Variants in ANK3 observed in about 807,000 individuals in gnomAD.
ANK3 encodes the protein ankyrin 3.
A neutral mutation model predicts 370.9 loss-of-function variants in ANK3; 57 were observed. The ratio of observed to expected loss-of-function variants is 0.15; its 90% confidence interval spans 0.12 to 0.19. The LOEUF (loss-of-function observed/expected upper bound fraction) is 0.19. Among genes scored for constraint, ANK3 ranks in the 10% least tolerant of loss-of-function variants. The pLI is 1.00. For missense variants in ANK3, 4,439 were observed against 5,302.1 expected, an observed-to-expected ratio of 0.84 and a Z score of 5.06; for synonymous variants, 1,929 against 1,946.3, an observed-to-expected ratio of 0.99 and a Z score of 0.23.
At chr10:60,386,031 C>A (rs1465739558) in intron 1 of ANK3, among the ~76,000 whole-genome samples, 3 of 152,170 alleles carry the variant, frequency 2.0e-5, no homozygotes, top group African/African-American at 7.2e-5. Flanking sequence ...AAAGAGAGCA[C>A]GTGTGACTTC....
At chr10:60,487,279 G>A (rs545753738) in intron 2 of ANK3, among the ~76,000 whole-genome samples, 1 of 152,238 alleles carries the variant, frequency 6.6e-6, no homozygotes, top group East Asian at 1.9e-4. Context: ...AACAGGGAGT[G>A]GTATGAAGGA....
At chr10:60,337,922 A>G (rs1198789670) in intron 1 of ANK3, among the ~76,000 whole-genome samples, 1 of 152,180 alleles carries the variant, frequency 6.6e-6, no homozygotes, top group Non-Finnish European at 1.5e-5. Flanking sequence ...TTATCCCATT[A>G]TCTGATTTTA....
intron 2 of ANK3, among the ~76,000 whole-genome samples, chr10:60,468,272 C>G (rs1017874761): frequency 1.3e-5 from 2 of 152,114 alleles, no homozygotes; most frequent in Admixed American, 1.3e-4. Context: ...GCAGGAGCCA[C>G]CGTGCCCGGC....
At chr10:60,395,629 TCTCTC>T (rs1567004853) in intron 2 of ANK3, among the ~76,000 whole-genome samples, 13 of 128,498 alleles carry the variant, frequency 1.0e-4, no homozygotes, top group African/African-American at 3.1e-4. Context: ...TCTCTCTCTC[TCTCTC>T]TCTCTCTCTC....
intron 17 of ANK3, among the ~76,000 whole-genome samples, chr10:60,185,981 C>T (rs2096315751): frequency 6.6e-6 from 1 of 152,134 alleles, no homozygotes; most frequent in Admixed American, 6.5e-5. Flanking sequence ...TCAAAATTGC[C>T]AACAACTTCT....
intron 21 of ANK3, among the ~76,000 whole-genome samples, chr10:60,168,904 C>A (rs942393371): frequency 1.3e-5 from 2 of 152,202 alleles, no homozygotes; most frequent in Non-Finnish European, 2.9e-5. Flanking sequence ...CACAGTATTC[C>A]ATGGTGTATA....
chr10:60,426,419 A>G (rs2063889190), intron 2 of ANK3, among the ~76,000 whole-genome samples: 1 of 152,090 alleles, frequency 6.6e-6, no homozygotes, highest in African/African-American at 2.4e-5. Context: ...TTTCTTTCTC[A>G]TCTCATAATT....
At position 60,076,163 on chromosome 10, in the gene ANK3, G is replaced by A. The variant is rs201134561; in HGVS notation, c.4718C>T (p.Ser1573Phe). 39 of 1,614,080 alleles carry A rather than the reference G, an allele frequency of 2.4e-5. No individual in the cohort carries two copies. The highest frequency in any genetic ancestry group is 3.3e-4 in the Middle Eastern group (2 of 6,084). Reference sequence around the variant, plus strand: ...TATCGGCGAAGACATTGTCCGAAAGGATCTAATTGGAGATGCCACGTCACT... The same window carrying A: ...TATCGGCGAAGACATTGTCCGAAAGAATCTAATTGGAGATGCCACGTCACT... ...SISDVASPIR[S>F]FRTMSSPIKT... Residue 1573 changes from serine (S) to phenylalanine (F), a missense_variant, in exon 37 of 44, where the codon TCC (serine) becomes TTC (phenylalanine). Transcript: ENST00000280772.
intron 23 of ANK3, among the ~76,000 whole-genome samples, chr10:60,160,598 AC>A (rs2095473774): frequency 1.3e-5 from 2 of 152,244 alleles, no homozygotes; most frequent in South Asian, 2.1e-4. Flanking sequence ...ACACACACAC[AC>A]AAAAGGAAAC....
At chr10:60,637,465 A>G (rs1169336004) in intron 1 of ANK3, among the ~76,000 whole-genome samples, 3 of 152,236 alleles carry the variant, frequency 2.0e-5, no homozygotes, top group African/African-American at 7.2e-5. Context: ...CTTTCTAGAA[A>G]GTATTTAGCA....
chr10:60,060,117 A>C (rs72818476), intron 40 of ANK3: 20,314 of 765,044 alleles, frequency 0.027, 601 homozygotes, highest in African/African-American at 0.12. Flanking sequence ...GATGAATTAC[A>C]GATTAATGTC....
intron 2 of ANK3, among the ~76,000 whole-genome samples, chr10:60,447,765 A>G (rs7922622): frequency 0.74 from 112,425 of 152,062 alleles, 41,698 homozygotes; most frequent in South Asian, 0.92. Flanking sequence ...GGGATGGCCT[A>G]ATATGGTGGA....
intron 2 of ANK3, among the ~76,000 whole-genome samples, chr10:60,480,302 C>T (rs571449616): frequency 7.2e-5 from 11 of 152,218 alleles, no homozygotes; most frequent in African/African-American, 2.4e-4. Flanking sequence ...GCATTTTAAA[C>T]ATGTTTAAAG....
intron 25 of ANK3, among the ~76,000 whole-genome samples, chr10:60,124,160 ATTTAT>A (rs2093637278): frequency 2.0e-5 from 3 of 151,942 alleles, no homozygotes; most frequent in Non-Finnish European, 4.4e-5. Flanking sequence ...CTAGATATTT[ATTTAT>A]TTTATTTTTT....
At chr10:60,585,556 A>G (rs753195815) in intron 2 of ANK3, among the ~76,000 whole-genome samples, 14 of 152,194 alleles carry the variant, frequency 9.2e-5, no homozygotes, top group Non-Finnish European at 1.6e-4. Flanking sequence ...CCTTCTCCCT[A>G]TCACTTCAGG....
Position 60,055,985 on chromosome 10 carries a change from G to A in ANK3, c.12738C>T (p.Gly4246=). The part of the protein sequence containing the change: ...SITSYLKGEA[G]KFEANGSHTE... ...TATGGCTTCCATTTGCTTCAAATTT[G>A]CCAGCTTCTCCTTTGAGATATGAGG... The change falls in exon 42 of 44, where the codon GGC becomes GGT. Residue 4246 remains glycine (G), a synonymous_variant. Coordinates refer to ENST00000280772, the MANE Select transcript of ANK3 (RefSeq NM_020987.5). 6.2e-7 allele frequency: 1 copy of A among 1,613,756 alleles called. No homozygotes were observed. The highest frequency in any genetic ancestry group is 8.5e-7 in the Non-Finnish European group (1 of 1,179,990).
intron 7 of ANK3, among the ~76,000 whole-genome samples, chr10:60,261,443 G>A (rs539077452): frequency 6.6e-6 from 1 of 152,272 alleles, no homozygotes; most frequent in Admixed American, 6.5e-5. Context: ...TTTGGATTCT[G>A]TAGTTTAGGC....
chr10:60,673,684 T>G (rs1038877525), intron 1 of ANK3, among the ~76,000 whole-genome samples: 1 of 152,094 alleles, frequency 6.6e-6, no homozygotes, highest in Non-Finnish European at 1.5e-5. Context: ...GTCTCACAAG[T>G]GTTCACGGTA....
At position 60,186,855 on chromosome 10, in the gene ANK3, T is replaced by C. The variant is rs1298869920; in HGVS notation, c.1945A>G (p.Thr649Ala). ...GCATCAGCACCATATTCCAGCAGAG[T>C]TGTCGCTATGTCCATCTGGTTCTTT... ...AKKNQMDIAT[T>A]LLEYGADANA... is the part of the protein sequence containing the mutation. The change falls in exon 17 of 44, where the codon ACT becomes GCT. Residue 649 changes from threonine (T) to alanine (A), a missense_variant. Physicochemically the swap from Thr to Ala is moderately conservative, Grantham distance 58. Transcript: ENST00000280772. 1 of 1,614,054 alleles carries C rather than the reference T, an allele frequency of 6.2e-7. No individual in the cohort carries two copies. The highest frequency in any genetic ancestry group is 1.1e-5 in the South Asian group (1 of 91,080).
Sources: gnomAD v4.1 joint callset for allele counts (sites outside exome capture counted in the v4.1 genomes callset) on GRCh38, gnomAD v4.1.1 for gene constraint, MANE v1.5 for transcripts, NCBI Gene and HGNC (gene_info 2026-07-23, HGNC 2026-07-21) for gene names.